MCF2L2: variants seen among roughly 807,000 people sequenced by gnomAD.
MCF2L2 encodes probable guanine nucleotide exchange factor MCF2L2.
In MCF2L2, 102 loss-of-function variants were observed where a neutral mutation model predicts 150.2. The observed-to-expected ratio is 0.68, with a 90% CI of 0.58 to 0.80. MCF2L2 has a LOEUF of 0.80. Ranked by LOEUF, MCF2L2 falls within the 30% of genes least tolerant of loss-of-function variation. The pLI, the probability that MCF2L2 is intolerant of heterozygous loss-of-function variation, is 0.00. For missense variants in MCF2L2, 1,256 were observed against 1,372.8 expected, an observed-to-expected ratio of 0.91 and a Z score of 1.34; for synonymous variants, 465 against 491.3, an observed-to-expected ratio of 0.95 and a Z score of 0.71.
intron 15 of MCF2L2, among the ~76,000 whole-genome samples, chr3:183,240,548 T>G (rs1006210634): frequency 1.3e-5 from 2 of 152,232 alleles, no homozygotes; most frequent in Non-Finnish European, 2.9e-5. Flanking sequence ...CCTGTCTTCA[T>G]TCTCTCTTCA....
Position 183,178,562 on chromosome 3 carries a change from A to T in MCF2L2, c.*818T>A, listed in dbSNP as rs1721393460. 6.6e-6 allele frequency: 1 copy of T among 152,214 alleles called. No homozygotes were observed. Among genetic ancestry groups the T allele is most frequent in the Admixed American group, 6.5e-5 (1 of 15,282 alleles). 9.4% of individuals were successfully genotyped at this position (152,214 alleles called of 1,614,324 possible). On this transcript the variant is annotated 3_prime_UTR_variant, in exon 30 of 30. Transcript: ENST00000328913. ...CAAAACAACTACATATAAATAACTG[A>T]AAATGAACAACTAAATAACTTTGAA...
chr3:183,270,005 G>A lies in MCF2L2; in HGVS notation c.1862+6867C>T, dbSNP rs201133824. On this transcript the variant is annotated intron_variant, in intron 15 of 29. Transcript: ENST00000328913. The surrounding 1 kb of genome is among the most constrained non-coding windows in gnomAD (Gnocchi z 4.5). ...CCCTGTCTCTTAAGCACACCTCAGC[G>A]GGGCCTCGCTACCAATACTTGATTA... The A allele has an allele frequency of 9.3e-6, 15 of 1,614,086 alleles. No individual in the cohort carries two copies. The East Asian group carries it at 1.3e-4, about 14-fold the overall frequency.
intron 18 of MCF2L2, 83 bp downstream of exon 18, chr3:183,228,214 A>G (rs6803121): frequency 0.94 from 911,753 of 964,838 alleles, 432,152 homozygotes; most frequent in East Asian, 0.99. Context: ...TAGACCATTG[A>G]TGTTTCCATT....
intron 11 of MCF2L2, 57 bp downstream of exon 11, chr3:183,299,948 G>A: frequency 6.4e-7 from 1 of 1,565,744 alleles, no homozygotes; most frequent in Non-Finnish European, 8.7e-7. Context: ...GAGTATGATG[G>A]AAGCTTCTTC....
intron 20 of MCF2L2, among the ~76,000 whole-genome samples, 162 bp downstream of exon 20, chr3:183,223,184 A>G (rs1364687491): frequency 6.6e-6 from 1 of 152,164 alleles, no homozygotes; most frequent in Non-Finnish European, 1.5e-5. Flanking sequence ...CTCCACATTG[A>G]AGAGGGCTGA....
At chr3:183,296,930 C>A in intron 12 of MCF2L2, 46 bp downstream of exon 12, 2 of 1,577,662 alleles carry the variant, frequency 1.3e-6, no homozygotes, top group South Asian at 2.4e-5. Flanking sequence ...CCTCCCTCCC[C>A]TATCCGTTTC....
chr3:183,207,975 A>C, intron 22 of MCF2L2, 152 bp from the exon 23 acceptor site: 10 of 638,518 alleles, frequency 1.6e-5, no homozygotes, highest in East Asian at 2.8e-5. Context: ...ACTAAATCAA[A>C]ACGACAATTT....
intron 1 of MCF2L2, among the ~76,000 whole-genome samples, chr3:183,409,980 G>A (rs1031808669): frequency 6.6e-6 from 1 of 152,132 alleles, no homozygotes; most frequent in Non-Finnish European, 1.5e-5. Context: ...TCAAGCTTGA[G>A]GTCATTCTTT....
At chr3:183,325,572 C>A (rs1282021927) in intron 5 of MCF2L2, among the ~76,000 whole-genome samples, 1 of 152,092 alleles carries the variant, frequency 6.6e-6, no homozygotes, top group Non-Finnish European at 1.5e-5. Flanking sequence ...AATTTTAGGA[C>A]AGGTCGTTAG....
At chr3:183,207,856 G>A (rs1171307301) in intron 22 of MCF2L2, 33 bp from the exon 23 acceptor site, 13 of 1,525,096 alleles carry the variant, frequency 8.5e-6, no homozygotes, top group Non-Finnish European at 1.2e-5. Context: ...AAAAGAAGCT[G>A]TAAAATTACT....
intron 5 of MCF2L2, among the ~76,000 whole-genome samples, chr3:183,335,353 A>G (rs1333132471): frequency 7.4e-6 from 1 of 135,480 alleles, no homozygotes; most frequent in Non-Finnish European, 1.5e-5. Flanking sequence ...ATACAGAAGC[A>G]ATACATATAA....
chr3:183,203,276 T>C (rs916804849), intron 25 of MCF2L2, among the ~76,000 whole-genome samples: 2 of 152,102 alleles, frequency 1.3e-5, no homozygotes, highest in African/African-American at 4.8e-5. Flanking sequence ...CTGACTTTAC[T>C]AGACCAATAC....
intron 15 of MCF2L2, among the ~76,000 whole-genome samples, chr3:183,234,476 C>T (rs1359859357): frequency 6.6e-6 from 1 of 152,196 alleles, no homozygotes; most frequent in Admixed American, 6.5e-5. Flanking sequence ...TCTCATCCAA[C>T]TGCTTCATTT....
At position 183,267,152 on chromosome 3, in the gene MCF2L2, G is replaced by C. The variant is rs1726226004; in HGVS notation, c.1862+9720C>G. Among the ~76,000 whole-genome samples the C allele has an allele frequency of 6.6e-6, 1 of 151,918 alleles. No homozygotes were observed. Among genetic ancestry groups the C allele is most frequent in the Non-Finnish European group, 1.5e-5 (1 of 68,002 alleles). ...TTACACCCCTGAACACACACACACA[G>C]AAAACCCAAAAGTTTCACAAAATGA... On this transcript the variant is annotated intron_variant, in intron 15 of 29. Coordinates refer to ENST00000328913, the MANE Select transcript of MCF2L2 (RefSeq NM_015078.4). The surrounding 1 kb of genome is among the most constrained non-coding windows in gnomAD (Gnocchi z 5.5).
intron 7 of MCF2L2, among the ~76,000 whole-genome samples, chr3:183,314,251 C>G (rs1395352550): frequency 1.3e-5 from 2 of 152,192 alleles, no homozygotes; most frequent in Non-Finnish European, 2.9e-5. Context: ...AAGGCCCAAA[C>G]TGTAGCTCAG....
At chr3:183,401,254 ATTTATT>A (rs1714739646) in intron 1 of MCF2L2, among the ~76,000 whole-genome samples, 1 of 152,122 alleles carries the variant, frequency 6.6e-6, no homozygotes, top group South Asian at 2.1e-4. Flanking sequence ...GCTTAATGGT[ATTTATT>A]AATAATGTGT....
rs1206127144 is a variant in MCF2L2, at chr3:183,311,004, CT to C, written c.903del (p.Glu302LysfsTer13). The C allele has an allele frequency of 1.9e-6, 3 of 1,612,898 alleles. No individual in the cohort carries two copies. Among genetic ancestry groups the C allele is most frequent in the Non-Finnish European group, 2.5e-6 (3 of 1,178,938 alleles). Reference protein sequence around the residue: ...MERLLVQLDETEKAFSHFWSE... With the variant: ...MERLLVQLDEXEKAFSHFWSE... ...GACCAAAAGTGACTAAAGGCTTTTT[CT>C]GTTTCATCCAGTTGAACTAATAACC... On this transcript the variant is annotated frameshift_variant, in exon 9 of 30. Coordinates refer to ENST00000328913, the MANE Select transcript of MCF2L2 (RefSeq NM_015078.4). LOFTEE classifies it high-confidence loss of function.
chr3:183,209,492 A>AT (rs1201828863), intron 22 of MCF2L2, among the ~76,000 whole-genome samples: 1 of 152,022 alleles, frequency 6.6e-6, no homozygotes, highest in Non-Finnish European at 1.5e-5. Flanking sequence ...ATTATTTTTT[A>AT]TTTTTTATTT....
chr3:183,406,640 C>T (rs1715058779), intron 1 of MCF2L2, among the ~76,000 whole-genome samples: 1 of 152,162 alleles, frequency 6.6e-6, no homozygotes. Flanking sequence ...AGGCGCCTGC[C>T]ACCATGCCCA....
Sources: allele counts gnomAD v4.1 joint callset (sites outside exome capture counted in the v4.1 genomes callset), GRCh38; gene constraint gnomAD v4.1.1; non-coding constraint Gnocchi (gnomAD v3.1); transcripts MANE v1.5; gene names NCBI Gene and HGNC (gene_info 2026-07-23, HGNC 2026-07-21).